The following IFTAP variants were observed in gnomAD, a reference collection of about 807,000 sequenced individuals.
IFTAP encodes the protein intraflagellar transport associated protein.
Under a neutral mutation model 19.4 loss-of-function variants are expected in IFTAP, and 19 were observed. That is an observed-to-expected ratio of 0.98 (90% CI 0.68 to 1.44). The LOEUF (loss-of-function observed/expected upper bound fraction) is 1.44. Among genes scored for constraint, IFTAP ranks in the 40% most tolerant of loss-of-function variants. The pLI is 0.00. For missense variants in IFTAP, 240 were observed against 253.6 expected (o/e 0.95, Z 0.36); for synonymous variants, 85 against 83.5 (o/e 1.02, Z -0.10).
intron 2 of IFTAP, among the ~76,000 whole-genome samples, chr11:36,623,235 C>G (rs1046210856): frequency 9.2e-5 from 14 of 152,106 alleles, no homozygotes; most frequent in African/African-American, 2.7e-4. Context: ...AGAAAATACT[C>G]TAAATGAAAT....
At chr11:36,642,978 A>G (rs1590228343) in intron 4 of IFTAP, among the ~76,000 whole-genome samples, 2 of 152,186 alleles carry the variant, frequency 1.3e-5, no homozygotes, top group African/African-American at 4.8e-5. Flanking sequence ...CACCACTCCC[A>G]TTCAACATAG....
chr11:36,613,916 T>C (rs1417361647), intron 2 of IFTAP, among the ~76,000 whole-genome samples: 1 of 148,568 alleles, frequency 6.7e-6, no homozygotes, highest in East Asian at 1.9e-4. Flanking sequence ...TGTTGAGTTT[T>C]CTTTTTTTTT....
At position 36,610,060 on chromosome 11, in the gene IFTAP, TG is replaced by T; in HGVS notation, c.-23-19del. ...CTGGTATTGCCTGATTCTCTCTAGC[TG>T]GTATTTTTCTGTCTTGCAGATACTG... On this transcript the variant is annotated intron_variant, in intron 1 of 5. Transcript: ENST00000334307. 6.2e-7 allele frequency: 1 copy of T among 1,601,620 alleles called. No homozygotes were observed. The highest frequency in any genetic ancestry group is 8.5e-7 in the Non-Finnish European group (1 of 1,172,746).
intron 5 of IFTAP, among the ~76,000 whole-genome samples, chr11:36,648,861 AG>A (rs1374724548): frequency 1.3e-5 from 2 of 152,166 alleles, no homozygotes; most frequent in Admixed American, 1.3e-4. Context: ...TACTGGCCAC[AG>A]GGGAGGCTGA....
In IFTAP at chr11:36,611,808, A is replaced by G. The variant is rs562476448; in HGVS notation, c.136+1569A>G. On this transcript the variant is annotated intron_variant, in intron 2 of 5. Transcript: ENST00000334307. ...ACATGTAGATCAAATTAATCTTGAT[A>G]ATGACCAAATTATCTTTTAGTCTGT... is the stretch of plus-strand genomic sequence containing the variant. 2.2e-4 allele frequency among the ~76,000 whole-genome samples: 34 copies of G among 152,182 alleles called. No homozygotes were observed. In the South Asian group the frequency reaches 6.4e-3, roughly 29 times the overall value.
intron 1 of IFTAP, among the ~76,000 whole-genome samples, chr11:36,599,727 G>A (rs547774807): frequency 6.6e-5 from 10 of 152,054 alleles, no homozygotes; most frequent in Admixed American, 1.3e-4. Context: ...AAAAAGCATC[G>A]TCATCTCTTC....
At chr11:36,599,056 C>T (rs188380888) in intron 1 of IFTAP, among the ~76,000 whole-genome samples, 13 of 152,200 alleles carry the variant, frequency 8.5e-5, no homozygotes, top group Admixed American at 1.3e-4. Context: ...TGCAGTGGTA[C>T]GATCTTGGCT....
intron 2 of IFTAP, among the ~76,000 whole-genome samples, chr11:36,628,428 A>T (rs1262445701): frequency 6.6e-6 from 1 of 151,194 alleles, no homozygotes; most frequent in Non-Finnish European, 1.5e-5. Flanking sequence ...TGATTCTGCC[A>T]AACCAATTAT....
chr11:36,633,286 G>T lies in IFTAP; in HGVS notation c.139G>T (p.Asp47Tyr). 6.5e-7 allele frequency: 1 copy of T among 1,538,904 alleles called. No homozygotes were observed. Among genetic ancestry groups the T allele is most frequent in the Non-Finnish European group, 8.7e-7 (1 of 1,147,196 alleles). Reference protein sequence around the residue: ...LNTFTHLSQEDHVSKRGVFGT... With the variant: ...LNTFTHLSQEYHVSKRGVFGT... ...TAGTGCATAACTTCTTATTTCAGAG[G>T]ATCATGTGTCCAAAAGGGGAGTGTT... Residue 47 changes from aspartate to tyrosine, a missense_variant and splice_region_variant, in exon 3 of 6, where the codon GAT (aspartate) becomes TAT (tyrosine). By Grantham distance (160) the Asp-to-Tyr change is radical. Transcript: ENST00000334307.
At position 36,630,410 on chromosome 11, in the gene IFTAP, TC is replaced by T. The variant is rs1042851468; in HGVS notation, c.137-2872del. ...AATGAACAAGTTCTTTTCTACATCA[TC>T]CAGTCTGTCTTTTAAAAATGAAAAC... On this transcript the variant is annotated intron_variant, in intron 2 of 5. Transcript: ENST00000334307. Among the ~76,000 whole-genome samples the T allele has an allele frequency of 5.3e-5, 8 of 151,336 alleles. 2 individuals carry two copies. The highest frequency in any genetic ancestry group is 1.7e-4 in the African/African-American group (7 of 40,634).
rs1852151730 is a variant in IFTAP at position 36,617,926 on chromosome 11, A to G, written c.136+7687A>G. On this transcript the variant is annotated intron_variant, in intron 2 of 5. Transcript: ENST00000334307. ...TGGGAGTGAGAGATTATTAAAAAACAAGTCTAATATTACTACTGATAGCAG... is the reference window on the plus strand; with the variant it reads ...TGGGAGTGAGAGATTATTAAAAAACGAGTCTAATATTACTACTGATAGCAG... 5.9e-5 allele frequency among the ~76,000 whole-genome samples: 9 copies of G among 152,172 alleles called. No homozygotes were observed. The South Asian group carries it at 1.9e-3, about 32-fold the overall frequency.
At position 36,636,053 on chromosome 11, in the gene IFTAP, A is replaced by G; in HGVS notation, c.294A>G (p.Val98=). 1 of 1,594,508 alleles carries G rather than the reference A, an allele frequency of 6.3e-7. No homozygotes were observed. ...RTSSQCLEEQ[V]DNFLDLEDLD... is the part of the protein sequence containing the mutation. ...ATTATGTTAATTCTTTTTTCTAGGT[A>G]GATAATTTCCTAGATTTAGAAGATT... is the stretch of plus-strand genomic sequence containing the variant. The change falls in exon 4 of 6, where the codon GTA becomes GTG. Residue 98 remains valine, a splice_region_variant and synonymous_variant. Transcript: ENST00000334307.
At chr11:36,626,422 C>T (rs370079700) in intron 2 of IFTAP, among the ~76,000 whole-genome samples, 6 of 151,464 alleles carry the variant, frequency 4.0e-5, no homozygotes, top group African/African-American at 1.5e-4. Flanking sequence ...ATTTTCTTAA[C>T]TCTTTTTCCA....
At chr11:36,641,095 T>G (rs1480485425) in intron 4 of IFTAP, among the ~76,000 whole-genome samples, 4 of 152,150 alleles carry the variant, frequency 2.6e-5, no homozygotes, top group Non-Finnish European at 5.9e-5. Flanking sequence ...ACTACCTATC[T>G]ATATGAGTCT....
intron 2 of IFTAP, among the ~76,000 whole-genome samples, chr11:36,612,994 C>T (rs895147612): frequency 2.6e-5 from 4 of 151,964 alleles, no homozygotes; most frequent in East Asian, 1.9e-4. Context: ...GTTTTTAAAC[C>T]GTGGTACATG....
rs575040899 is a variant in IFTAP at position 36,606,476 on chromosome 11, A to G, written c.-23-3605A>G. 7.3e-5 allele frequency among the ~76,000 whole-genome samples: 11 copies of G among 151,262 alleles called. No homozygotes were observed. In the South Asian group the frequency reaches 2.3e-3, roughly 31 times the overall value. ...AAATAAATAAATAGTCAATAAAAACATGTCATCTCTATATTGGGATAACCA... is the reference window on the plus strand; with the variant it reads ...AAATAAATAAATAGTCAATAAAAACGTGTCATCTCTATATTGGGATAACCA... On this transcript the variant is annotated intron_variant, in intron 1 of 5. Transcript: ENST00000334307.
chr11:36,602,916 G>A (rs936018946), intron 1 of IFTAP, among the ~76,000 whole-genome samples: 2 of 152,054 alleles, frequency 1.3e-5, no homozygotes, highest in African/African-American at 4.8e-5. Context: ...TGTCTTATGA[G>A]TATATCCTAC....
intron 4 of IFTAP, 105 bp from the exon 5 acceptor site, chr11:36,647,911 C>A: frequency 7.5e-7 from 1 of 1,336,644 alleles, no homozygotes; most frequent in Non-Finnish European, 1.0e-6. Flanking sequence ...ATCTACATTA[C>A]ATGAGCATAT....
At chr11:36,606,779 A>C (rs1467584181) in intron 1 of IFTAP, among the ~76,000 whole-genome samples, 1 of 152,202 alleles carries the variant, frequency 6.6e-6, no homozygotes, top group African/African-American at 2.4e-5. Context: ...GATAAAATAA[A>C]ATGTTGAAAT....
Sources: gnomAD v4.1 joint callset for allele counts (sites outside exome capture counted in the v4.1 genomes callset) on GRCh38, gnomAD v4.1.1 for gene constraint, MANE v1.5 for transcripts, NCBI Gene and HGNC (gene_info 2026-07-23, HGNC 2026-07-21) for gene names.